Variants in RACGAP1 observed in about 807,000 individuals in gnomAD.
RACGAP1 encodes Rac GTPase activating protein 1.
Under a neutral mutation model 78.1 loss-of-function variants are expected in RACGAP1, and 30 were observed. The observed-to-expected ratio is 0.38, with a 90% CI of 0.29 to 0.52. The LOEUF (loss-of-function observed/expected upper bound fraction) is 0.52. Ranked by LOEUF, RACGAP1 falls within the 20% of genes least tolerant of loss-of-function variation. The pLI, the probability that RACGAP1 is intolerant of heterozygous loss-of-function variation, is 0.82. For missense variants in RACGAP1, 587 were observed against 777.1 expected (o/e 0.76, Z 2.91); for synonymous variants, 231 against 264.8 (o/e 0.87, Z 1.24).
At chr12:50,022,913 G>A (rs977305740) in intron 1 of RACGAP1, among the ~76,000 whole-genome samples, 22 of 152,142 alleles carry the variant, frequency 1.4e-4, no homozygotes, top group African/African-American at 5.1e-4. Context: ...TTCTCAGTGA[G>A]GTCTTTCCAA....
chr12:50,018,173 A>AT (rs397754015), intron 1 of RACGAP1, among the ~76,000 whole-genome samples: 1 of 151,388 alleles, frequency 6.6e-6, no homozygotes, highest in Non-Finnish European at 1.5e-5. Context: ...AAAAAAAAAA[A>AT]GAATATATAA....
chr12:50,013,428 T>A (rs749417607), intron 2 of RACGAP1, among the ~76,000 whole-genome samples: 1 of 152,202 alleles, frequency 6.6e-6, no homozygotes, highest in Non-Finnish European at 1.5e-5. Context: ...TGCCCCCATA[T>A]TCTATCAGCT....
intron 10 of RACGAP1, among the ~76,000 whole-genome samples, chr12:49,995,335 C>T (rs1023166960): frequency 6.7e-6 from 1 of 150,308 alleles, no homozygotes; most frequent in Non-Finnish European, 1.5e-5. Flanking sequence ...GCAACAAGAA[C>T]AAAACTCCCT....
intron 1 of RACGAP1, chr12:50,017,209 C>A: frequency 2.2e-6 from 1 of 454,494 alleles, no homozygotes; most frequent in Non-Finnish European, 2.9e-6. Context: ...CATTTCCTAC[C>A]AAAAGCACAG....
At chr12:50,028,713 G>A (rs1278917009), upstream of RACGAP1, among the ~76,000 whole-genome samples, 2 of 151,852 alleles carry the variant, frequency 1.3e-5, no homozygotes, top group African/African-American at 2.4e-5. Flanking sequence ...CACAGGTCGC[G>A]GTGAGCTGAG....
chr12:49,991,483 T>A (rs1214208095), intron 15 of RACGAP1, among the ~76,000 whole-genome samples: 221 of 15,278 alleles, frequency 0.014, no homozygotes, highest in East Asian at 0.038. Context: ...ATATATATTT[T>A]TTTTTTTTTT....
At position 49,990,420 on chromosome 12, in the gene RACGAP1, A is replaced by G. The variant is rs1443997107; in HGVS notation, c.1824-77T>C. 5 of 1,264,610 alleles carry G rather than the reference A, an allele frequency of 4.0e-6. No individual in the cohort carries two copies. In the Admixed American group the frequency reaches 9.2e-5, roughly 23 times the overall value. 78.3% of individuals were successfully genotyped at this position (1,264,610 alleles called of 1,614,324 possible). A position where few individuals can be genotyped will look rare whatever the true frequency, so the allele number is the denominator to read the frequency against. On this transcript the variant is annotated intron_variant, in intron 16 of 16. Transcript: ENST00000312377. ...ATAAACAACTATAATATTACTTGAT[A>G]TAACCCATTATAAGTAGGAAACCCT...
At chr12:50,005,420 A>AT in intron 3 of RACGAP1, 28 bp from the exon 4 acceptor site, 1 of 1,612,158 alleles carries the variant, frequency 6.2e-7, no homozygotes. Context: ...GTAAAACATC[A>AT]TAACTAGCCA....
Position 49,997,148 on chromosome 12 carries a change from T to C in RACGAP1, c.936A>G (p.Leu312=). The change falls in exon 10 of 17, where the codon TTA becomes TTG. Residue 312 remains leucine, a synonymous_variant. Transcript: ENST00000312377. ...PCGKRIKFGK[L]SLKCRDCRVV... Reference sequence around the variant, plus strand: ...CACGACAGTCTCGACACTTCAGAGATAATTTGCCAAATTTTATCCGCTTTC... The same window carrying C: ...CACGACAGTCTCGACACTTCAGAGACAATTTGCCAAATTTTATCCGCTTTC... 6.2e-7 allele frequency: 1 copy of C among 1,609,840 alleles called. No individual in the cohort carries two copies. Among genetic ancestry groups the C allele is most frequent in the Non-Finnish European group, 8.5e-7 (1 of 1,176,786 alleles).
intron 15 of RACGAP1, among the ~76,000 whole-genome samples, chr12:49,991,472 TATATATA>T (rs1222630667): frequency 3.1e-5 from 1 of 31,746 alleles, no homozygotes; most frequent in African/African-American, 7.8e-5. Flanking sequence ...TATATATATA[TATATATA>T]TTTTTTTTTT....
At chr12:50,011,332 A>C (rs1215070548) in intron 2 of RACGAP1, among the ~76,000 whole-genome samples, 2 of 97,466 alleles carry the variant, frequency 2.1e-5, no homozygotes, top group Non-Finnish European at 3.9e-5. Flanking sequence ...AGACTGTCTC[A>C]AAAAAAAAAA....
At chr12:50,008,891 T>C (rs1199788177) in intron 2 of RACGAP1, among the ~76,000 whole-genome samples, 1 of 152,214 alleles carries the variant, frequency 6.6e-6, no homozygotes, top group East Asian at 1.9e-4. Flanking sequence ...AATTTTGATG[T>C]TGAAGACCAA....
chr12:50,008,251 T>G (rs1263193307), intron 2 of RACGAP1, among the ~76,000 whole-genome samples: 1 of 149,258 alleles, frequency 6.7e-6, no homozygotes, highest in East Asian at 2.0e-4. Context: ...CAGGCAGAAG[T>G]GCAATGGCGC....
At chr12:50,024,820 A>G (rs1231408147) in intron 1 of RACGAP1, among the ~76,000 whole-genome samples, 3 of 151,634 alleles carry the variant, frequency 2.0e-5, no homozygotes, top group Non-Finnish European at 4.4e-5. Flanking sequence ...CTACCCACCT[A>G]CCCCCACTTT....
intron 2 of RACGAP1, among the ~76,000 whole-genome samples, chr12:50,030,795 TGTGA>T (rs1471679526): frequency 6.6e-6 from 1 of 152,064 alleles, no homozygotes; most frequent in Non-Finnish European, 1.5e-5. Context: ...TGTGTGTGTG[TGTGA>T]GACGGAGTTT....
At chr12:50,017,038 GTTC>G in intron 1 of RACGAP1, 2 of 1,078,224 alleles carry the variant, frequency 1.9e-6, no homozygotes, top group Non-Finnish European at 2.2e-6. Flanking sequence ...AGAAAATGTG[GTTC>G]TTCAAGTCAA....
rs1948729003 is a variant in RACGAP1, at chr12:50,002,257, C to T, written c.539G>A (p.Arg180Lys). 2 of 1,613,116 alleles carry T rather than the reference C, an allele frequency of 1.2e-6. No individual in the cohort carries two copies. Among genetic ancestry groups the T allele is most frequent in the East Asian group, 2.2e-5 (1 of 44,852 alleles). Residue 180 changes from arginine to lysine, a missense_variant, in exon 6 of 17, where the codon AGA becomes AAA. Arg to Lys is a conservative substitution (Grantham distance 26). Transcript: ENST00000312377. ...SLVKTFKLKK[R>K]EKRRSTSRQF... ...ACAAATCATACATACCCTCTTTTCT[C>T]TCTTCTTCAGTTTGAAAGTCTTCAC... is the stretch of plus-strand genomic sequence containing the variant.
intron 2 of RACGAP1, among the ~76,000 whole-genome samples, chr12:50,016,239 C>T (rs968319419): frequency 3.7e-4 from 56 of 151,898 alleles, no homozygotes; most frequent in African/African-American, 1.1e-3. Flanking sequence ...AAAAATTAGC[C>T]GGGCGTGGTG....
chr12:50,026,783 A>C (rs1950275769), upstream of RACGAP1, among the ~76,000 whole-genome samples: 2 of 152,172 alleles, frequency 1.3e-5, no homozygotes, highest in South Asian at 4.1e-4. Context: ...GAACTCCTAC[A>C]CTCAAGGGAT....
Sources: gnomAD v4.1 joint callset for allele counts (sites outside exome capture counted in the v4.1 genomes callset) on GRCh38, gnomAD v4.1.1 for gene constraint, MANE v1.5 for transcripts, NCBI Gene and HGNC (gene_info 2026-07-23, HGNC 2026-07-21) for gene names.